The following TAMALIN variants were observed in gnomAD, a reference collection of about 807,000 sequenced individuals.
TAMALIN encodes the protein trafficking regulator and scaffold protein tamalin, also known as protein TAMALIN.
In TAMALIN, 9 loss-of-function variants were observed where a neutral mutation model predicts 38.5. That is an observed-to-expected ratio of 0.23 (90% CI 0.14 to 0.41). The LOEUF (loss-of-function observed/expected upper bound fraction) is 0.41, where lower values mean the gene tolerates loss of function less well. Among genes scored for constraint, TAMALIN ranks in the 10% least tolerant of loss-of-function variants. The pLI, the probability that TAMALIN is intolerant of heterozygous loss-of-function variation, is 1.00. For missense variants in TAMALIN, 548 were observed against 554.1 expected (o/e 0.99, Z 0.11); for synonymous variants, 306 against 256.5 (o/e 1.19, Z -1.85).
chr12:52,010,786 T>A, intron 2 of TAMALIN, 95 bp from the exon 3 acceptor site: 1 of 1,288,168 alleles, frequency 7.8e-7, no homozygotes, highest in Non-Finnish European at 1.1e-6. Flanking sequence ...CCTGCTGGAA[T>A]GTTCTAGACC....
intron 2 of TAMALIN, chr12:52,010,635 G>T (rs1228124624): frequency 3.6e-6 from 4 of 1,110,030 alleles, no homozygotes; most frequent in Non-Finnish European, 4.8e-6. Flanking sequence ...TCCTTCAGGG[G>T]ACCGGCCCTT....
At chr12:52,013,278 C>T (rs1031270302) in intron 4 of TAMALIN, among the ~76,000 whole-genome samples, 3 of 149,882 alleles carry the variant, frequency 2.0e-5, no homozygotes, top group Non-Finnish European at 4.4e-5. Flanking sequence ...GGGGTTTCAC[C>T]GTGTTAGCCA....
At chr12:52,014,076 C>G in intron 6 of TAMALIN, 59 bp from the exon 7 acceptor site, 1 of 1,573,640 alleles carries the variant, frequency 6.4e-7, no homozygotes, top group East Asian at 2.3e-5. Flanking sequence ...TCGTCTGTAC[C>G]CACGTCCTGC....
Position 52,015,400 on chromosome 12 carries a change from A to C in TAMALIN, c.*201A>C. On this transcript the variant is annotated 3_prime_UTR_variant, in exon 8 of 8. Coordinates refer to ENST00000293662, the MANE Select transcript of TAMALIN (RefSeq NM_181711.4). ...AGCCCCTTCTCTTCTCCCCCGCCAA[A>C]CCACAGTGGGAGCTGGGGCAGGGGG... The C allele has an allele frequency of 5.1e-6, 3 of 586,642 alleles. No homozygotes were observed. The highest frequency in any genetic ancestry group is 2.0e-5 in the African/African-American group (1 of 49,980). 36.3% of individuals were successfully genotyped at this position (586,642 alleles called of 1,614,324 possible).
Position 52,013,905 on chromosome 12 carries a change from C to G in TAMALIN, c.577C>G (p.Arg193Gly). Residue 193 changes from arginine to glycine, a missense_variant, in exon 6 of 8, where the codon CGG becomes GGG. Arg to Gly is a moderately radical substitution (Grantham distance 125, BLOSUM62 -2). Around this residue, in one of 3 missense-constraint regions of TAMALIN, gnomAD observed 415 missense variants for 417.0 expected, o/e 1.00. Transcript: ENST00000293662. ...RLETLYGTSI[R>G]KAELEARLQY... ...GGAAACTCTATATGGGACATCAATT[C>G]GGAAGGCAGAACTGGAGGCTCGTCT... The G allele has an allele frequency of 1.2e-6, 2 of 1,614,096 alleles. No individual in the cohort carries two copies. The highest frequency in any genetic ancestry group is 1.7e-6 in the Non-Finnish European group (2 of 1,180,002).
chr12:52,014,006 G>A (rs988265465), intron 6 of TAMALIN, 63 bp downstream of exon 6: 2 of 1,577,020 alleles, frequency 1.3e-6, no homozygotes, highest in East Asian at 2.2e-5. Flanking sequence ...GCCCTGTGGG[G>A]GGTCACTTAC....
In TAMALIN at chr12:52,007,184, G is replaced by A; in HGVS notation, c.165G>A (p.Leu55=). 1 of 1,515,492 alleles carries A rather than the reference G, an allele frequency of 6.6e-7. No individual in the cohort carries two copies. The highest frequency in any genetic ancestry group is 8.8e-7 in the Non-Finnish European group (1 of 1,142,592). 93.9% of individuals were successfully genotyped at this position (1,515,492 alleles called of 1,614,324 possible). Residue 55 remains leucine, a synonymous_variant, in exon 1 of 8, where the codon CTG becomes CTA. Coordinates refer to ENST00000293662, the MANE Select transcript of TAMALIN (RefSeq NM_181711.4). The surrounding 1 kb of genome is among the most constrained non-coding windows in gnomAD (Gnocchi z 6.7). ...AATPGPPADE[L]YAALEDYHPA... is the part of the protein sequence containing the mutation. ...CCCCTGGGCCCCCAGCGGACGAGCT[G>A]TACGCGGCGCTGGAGGACTATCACC... is the stretch of plus-strand genomic sequence containing the variant.
Position 52,007,475 on chromosome 12 carries a change from C to A in TAMALIN, c.246+210C>A. The A allele has an allele frequency of 1.0e-6, 1 of 985,092 alleles. No homozygotes were observed. The highest frequency in any genetic ancestry group is 4.7e-5 in the South Asian group (1 of 21,278). The allele number at this position is 985,092 out of a possible 1,614,324, so 61.0% of individuals were successfully genotyped here. A position where few individuals can be genotyped will look rare whatever the true frequency, so the allele number is the denominator to read the frequency against. On this transcript the variant is annotated intron_variant, in intron 1 of 7. Transcript: ENST00000293662. The surrounding 1 kb of genome is among the most constrained non-coding windows in gnomAD (Gnocchi z 6.7). ...CGCGCCCAGGCTCGGTGGCTCTTAA[C>A]TCCGCGCCCCATGCACGCCCCCTCT...
At chr12:52,013,001 G>A (rs1033699848) in intron 4 of TAMALIN, among the ~76,000 whole-genome samples, 1 of 152,104 alleles carries the variant, frequency 6.6e-6, no homozygotes, top group South Asian at 2.1e-4. Context: ...TATGGCCAGC[G>A]TGGACTGGAC....
chr12:52,014,581 A>C lies in TAMALIN; in HGVS notation c.683-113A>C. ...CAGGTTTGTGCCTGGCCAGGGCCAC[A>C]GAGATGGTCAGCAGGACGGAGCGGG... is the stretch of plus-strand genomic sequence containing the variant. On this transcript the variant is annotated intron_variant, in intron 7 of 7. Coordinates refer to ENST00000293662, the MANE Select transcript of TAMALIN (RefSeq NM_181711.4). 11 of 795,754 alleles carry C rather than the reference A, an allele frequency of 1.4e-5. No individual in the cohort carries two copies. In the South Asian group the frequency reaches 1.7e-4, roughly 12 times the overall value. 49.3% of individuals were successfully genotyped at this position (795,754 alleles called of 1,614,324 possible).
rs1315864870 is a variant in TAMALIN, at chr12:52,009,223, A to T, written c.280A>T (p.Ser94Cys). 7.4e-6 allele frequency: 12 copies of T among 1,613,940 alleles called. No homozygotes were observed. Among genetic ancestry groups the T allele is most frequent in the Non-Finnish European group, 1.0e-5 (12 of 1,179,994 alleles). Reference sequence around the variant, plus strand: ...ATTCCGCTGGAAGAATCTCAGCCAGAGTCCTGAACAGCAGCGGTGAGTCAC... The same window carrying T: ...ATTCCGCTGGAAGAATCTCAGCCAGTGTCCTGAACAGCAGCGGTGAGTCAC... ...SGFRWKNLSQ[S>C]PEQQRKVLTL... is the part of the protein sequence containing the mutation. Residue 94 changes from serine to cysteine, a missense_variant, in exon 2 of 8, where the codon AGT becomes TGT. Physicochemically the swap from Ser to Cys is moderately radical, Grantham distance 112 (BLOSUM62 -1). Around this residue, in one of 3 missense-constraint regions of TAMALIN, gnomAD observed 415 missense variants for 417.0 expected, o/e 1.00. Transcript: ENST00000293662.
chr12:52,009,133 T>A, intron 1 of TAMALIN, 57 bp from the exon 2 acceptor site: 20 of 1,552,604 alleles, frequency 1.3e-5, no homozygotes, highest in Non-Finnish European at 1.8e-5. Flanking sequence ...AACCTCTCAG[T>A]GTCTGCTCAA....
At chr12:52,013,854 A>T in intron 5 of TAMALIN, 23 bp from the exon 6 acceptor site, 9 of 1,613,890 alleles carry the variant, frequency 5.6e-6, no homozygotes, top group Non-Finnish European at 7.6e-6. Context: ...TGGCTCACTC[A>T]GGCTTTGATT....
Position 52,014,936 on chromosome 12 carries a change from G to A in TAMALIN, c.925G>A (p.Gly309Ser). ...PPPPPPARAF[G>S]PGPAETPAVG... ...CCCGCCGCCCCCGGCCCGCGCCTTC[G>A]GCCCGGGCCCCGCCGAGACCCCTGC... The change falls in exon 8 of 8, where the codon GGC (glycine) becomes AGC (serine). Residue 309 changes from glycine to serine, a missense_variant. By Grantham distance (56) the Gly-to-Ser change is moderately conservative. This residue lies in a region of TAMALIN where 415 missense variants were observed against 417.0 expected (regional missense o/e 1.00). Transcript: ENST00000293662. 3.0e-6 allele frequency: 3 copies of A among 1,013,548 alleles called. No individual in the cohort carries two copies. The highest frequency in any genetic ancestry group is 3.5e-6 in the Non-Finnish European group (3 of 848,378). The allele number at this position is 1,013,548 out of a possible 1,614,324, so 62.8% of individuals were successfully genotyped here.
Position 52,011,136 on chromosome 12 carries a change from C to T in TAMALIN, c.449C>T (p.Thr150Ile). Residue 150 changes from threonine (T) to isoleucine (I), a missense_variant, in exon 4 of 8, where the codon ACA becomes ATA. Physicochemically the swap from Thr to Ile is moderately conservative, Grantham distance 89 (BLOSUM62 -1). Transcript: ENST00000293662. This position sits in a 1 kb window ranked among gnomAD's most constrained non-coding sequence, Gnocchi z 5.3. Reference sequence around the variant, plus strand: ...AGCCCTGCCCAGCTGGCTGGGCTCACACCAGGTGGGGCCTGAGCCCAGGAC... The same window carrying T: ...AGCCCTGCCCAGCTGGCTGGGCTCATACCAGGTGGGGCCTGAGCCCAGGAC... ...ESSPAQLAGL[T>I]PGDTIASVNG... 2 of 1,611,660 alleles carry T rather than the reference C, an allele frequency of 1.2e-6. No homozygotes were observed. Among genetic ancestry groups the T allele is most frequent in the Non-Finnish European group, 1.7e-6 (2 of 1,179,974 alleles).
intron 2 of TAMALIN, chr12:52,010,394 TCCCCCAG>T: frequency 1.8e-6 from 1 of 563,224 alleles, no homozygotes; most frequent in Non-Finnish European, 2.3e-6. Flanking sequence ...GAGGCTCCCC[TCCCCCAG>T]CCCCCACATC....
In TAMALIN at chr12:52,007,738, C is replaced by T. The variant is rs1942438894; in HGVS notation, c.246+473C>T. 3 of 985,322 alleles carry T rather than the reference C, an allele frequency of 3.0e-6. No homozygotes were observed. In the South Asian group the frequency reaches 1.4e-4, roughly 46 times the overall value. 61.0% of individuals were successfully genotyped at this position (985,322 alleles called of 1,614,324 possible). ...GGAAGTGCGTGGGGAGCCGCTGACT[C>T]CGGATAGCACACCCTTCCGAGGGGA... On this transcript the variant is annotated intron_variant, in intron 1 of 7. Coordinates refer to ENST00000293662, the MANE Select transcript of TAMALIN (RefSeq NM_181711.4). The surrounding 1 kb of genome is among the most constrained non-coding windows in gnomAD (Gnocchi z 6.7).
Position 52,007,006 on chromosome 12 carries a change from C to T in TAMALIN, c.-14C>T. On this transcript the variant is annotated 5_prime_UTR_variant, in exon 1 of 8. Transcript: ENST00000293662. This position sits in a 1 kb window ranked among gnomAD's most constrained non-coding sequence, Gnocchi z 6.7. Reference sequence around the variant, plus strand: ...AGCCAGCGCCGTCTCTGAGGGGCGTCCGGCGCCGGAGCCATGACCCTCCGC... The same window carrying T: ...AGCCAGCGCCGTCTCTGAGGGGCGTTCGGCGCCGGAGCCATGACCCTCCGC... 2.2e-6 allele frequency: 3 copies of T among 1,372,146 alleles called. No individual in the cohort carries two copies. The highest frequency in any genetic ancestry group is 1.7e-5 in the South Asian group (1 of 59,678). 85.0% of individuals were successfully genotyped at this position (1,372,146 alleles called of 1,614,324 possible). A position where few individuals can be genotyped will look rare whatever the true frequency, so the allele number is the denominator to read the frequency against.
rs1937787077 is a variant in TAMALIN at position 52,015,407 on chromosome 12, TG to T, written c.*211del. Reference sequence around the variant, plus strand: ...TCTCTTCTCCCCCGCCAAACCACAGTGGGAGCTGGGGCAGGGGGAGAGCCAG... The same window carrying T: ...TCTCTTCTCCCCCGCCAAACCACAGTGGAGCTGGGGCAGGGGGAGAGCCAG... On this transcript the variant is annotated 3_prime_UTR_variant, in exon 8 of 8. Coordinates refer to ENST00000293662, the MANE Select transcript of TAMALIN (RefSeq NM_181711.4). 3.8e-6 allele frequency: 2 copies of T among 521,386 alleles called. No homozygotes were observed. Among genetic ancestry groups the T allele is most frequent in the African/African-American group, 4.2e-5 (2 of 47,602 alleles). 32.3% of individuals were successfully genotyped at this position (521,386 alleles called of 1,614,324 possible).
Sources: allele counts gnomAD v4.1 joint callset (sites outside exome capture counted in the v4.1 genomes callset), GRCh38; gene constraint gnomAD v4.1.1; regional missense constraint gnomAD v4.1.1; non-coding constraint Gnocchi (gnomAD v3.1); transcripts MANE v1.5; gene names NCBI Gene and HGNC (gene_info 2026-07-23, HGNC 2026-07-21).